NWD2: variants seen among roughly 807,000 people sequenced by gnomAD.
NWD2 encodes the protein NACHT and WD repeat domain-containing protein 2.
NWD2 carries 37 observed loss-of-function variants against 132.7 expected under a neutral mutation model. The observed-to-expected ratio is 0.28, with a 90% confidence interval of 0.21 to 0.37. NWD2 has a LOEUF of 0.37. Among genes scored for constraint, NWD2 ranks in the 10% least tolerant of loss-of-function variants. NWD2 has a pLI of 1.00. For missense variants in NWD2, 1,592 were observed against 2,122.4 expected (o/e 0.75, Z 4.91); for synonymous variants, 705 against 803.0 (o/e 0.88, Z 2.06).
At chr4:37,287,713 T>A (rs1718264747) in intron 1 of NWD2, among the ~76,000 whole-genome samples, 1 of 152,188 alleles carries the variant, frequency 6.6e-6, no homozygotes, top group South Asian at 2.1e-4. Flanking sequence ...CCTTTCCTCC[T>A]GATGGTTCTG....
chr4:37,250,655 A>G (rs1717339506), intron 1 of NWD2, among the ~76,000 whole-genome samples: 1 of 152,220 alleles, frequency 6.6e-6, no homozygotes, highest in Admixed American at 6.5e-5. Context: ...CTGTGCAGGC[A>G]TGTTTAAGCA....
intron 1 of NWD2, among the ~76,000 whole-genome samples, chr4:37,253,913 C>CT (rs565734050): frequency 5.9e-5 from 9 of 151,970 alleles, no homozygotes; most frequent in African/African-American, 1.2e-4. Flanking sequence ...TAAGGTTCTT[C>CT]TTTTTTTTAT....
intron 1 of NWD2, among the ~76,000 whole-genome samples, chr4:37,247,767 G>T (rs528459398): frequency 6.6e-6 from 1 of 151,744 alleles, no homozygotes. Flanking sequence ...CCACCACTAC[G>T]CCCGGCTAAC....
In NWD2 at chr4:37,444,273, AT is replaced by A; in HGVS notation, c.2289del (p.Leu764TrpfsTer19). ...LREMHTILAD[Y>X]FLGVWSGGRR... ...GAAATGCACACCATCTTAGCAGATT[AT>A]TTTCTGGGGGTTTGGTCAGGGGGCA... On this transcript the variant is annotated frameshift_variant, in exon 7 of 7. Coordinates refer to ENST00000309447, the MANE Select transcript of NWD2 (RefSeq NM_001144990.2). LOFTEE classifies it high-confidence loss of function. The surrounding 1 kb of genome is among the most constrained non-coding windows in gnomAD (Gnocchi z 4.8). 1 of 1,551,578 alleles carries A rather than the reference AT, an allele frequency of 6.4e-7. No homozygotes were observed. The highest frequency in any genetic ancestry group is 8.7e-7 in the Non-Finnish European group (1 of 1,146,982).
At chr4:37,391,780 C>A (rs1248925307) in intron 3 of NWD2, among the ~76,000 whole-genome samples, 1 of 152,188 alleles carries the variant, frequency 6.6e-6, no homozygotes, top group East Asian at 1.9e-4. Context: ...CATCGGCCCC[C>A]ACAAGTCCTG....
At chr4:37,317,774 A>G (rs1278230933) in intron 1 of NWD2, among the ~76,000 whole-genome samples, 7 of 152,112 alleles carry the variant, frequency 4.6e-5, no homozygotes, top group Non-Finnish European at 8.8e-5. Context: ...ACAATGCCAT[A>G]CTCCATCAAG....
At chr4:37,266,721 T>C (rs1717759280) in intron 1 of NWD2, among the ~76,000 whole-genome samples, 1 of 152,034 alleles carries the variant, frequency 6.6e-6, no homozygotes, top group Non-Finnish European at 1.5e-5. Flanking sequence ...TTAACTTATA[T>C]CATTAATTAT....
intron 1 of NWD2, among the ~76,000 whole-genome samples, chr4:37,262,504 A>T (rs1335199447): frequency 1.3e-5 from 2 of 152,170 alleles, no homozygotes; most frequent in African/African-American, 4.8e-5. Flanking sequence ...TGGGAAAAAA[A>T]GTAAGACAGC....
chr4:37,333,134 G>T (rs1032688218), intron 2 of NWD2, among the ~76,000 whole-genome samples: 1 of 152,150 alleles, frequency 6.6e-6, no homozygotes, highest in Admixed American at 6.5e-5. Context: ...CATGAAGGGC[G>T]TCTCTGAACC....
At chr4:37,406,759 G>A (rs1294093467) in intron 3 of NWD2, among the ~76,000 whole-genome samples, 1 of 152,192 alleles carries the variant, frequency 6.6e-6, no homozygotes, top group Middle Eastern at 3.4e-3. Flanking sequence ...AGCCAGGTGT[G>A]GTGGCGCATA....
intron 3 of NWD2, among the ~76,000 whole-genome samples, chr4:37,391,337 A>G (rs1334294610): frequency 1.3e-5 from 2 of 152,220 alleles, no homozygotes; most frequent in African/African-American, 2.4e-5. Flanking sequence ...GAATATAATC[A>G]TATGTGTTAC....
At chr4:37,365,230 T>C (rs1720073253) in intron 3 of NWD2, among the ~76,000 whole-genome samples, 1 of 152,204 alleles carries the variant, frequency 6.6e-6, no homozygotes, top group African/African-American at 2.4e-5. Context: ...TTCACATTTA[T>C]CCATATTCCA....
chr4:37,411,915 C>T (rs1200264269), intron 3 of NWD2, among the ~76,000 whole-genome samples: 3 of 152,070 alleles, frequency 2.0e-5, no homozygotes, highest in Non-Finnish European at 4.4e-5. Context: ...GCAAAAAAGG[C>T]CTTTGACAAA....
At chr4:37,435,580 A>T (rs1390675112) in intron 5 of NWD2, among the ~76,000 whole-genome samples, 1 of 152,080 alleles carries the variant, frequency 6.6e-6, no homozygotes, top group Non-Finnish European at 1.5e-5. Flanking sequence ...GCTGTCTTAG[A>T]AAAAAGTACC....
chr4:37,407,861 A>G (rs922752188), intron 3 of NWD2, among the ~76,000 whole-genome samples: 55 of 152,308 alleles, frequency 3.6e-4, no homozygotes, highest in African/African-American at 1.3e-3. Context: ...CTGGTTGGAC[A>G]GTGGGTGCAG....
intron 5 of NWD2, among the ~76,000 whole-genome samples, chr4:37,438,056 A>C (rs1334249701): frequency 6.6e-6 from 1 of 151,968 alleles, no homozygotes; most frequent in Non-Finnish European, 1.5e-5. Context: ...GGTCAGGAGA[A>C]AGAGACCATC....
intron 3 of NWD2, among the ~76,000 whole-genome samples, chr4:37,364,411 G>A (rs1465994104): frequency 1.3e-5 from 2 of 152,072 alleles, no homozygotes; most frequent in African/African-American, 2.4e-5. Flanking sequence ...ACCAATGGAG[G>A]CAGGTAAGAG....
chr4:37,308,568 A>G (rs1450935653), intron 1 of NWD2, among the ~76,000 whole-genome samples: 4 of 152,152 alleles, frequency 2.6e-5, no homozygotes, highest in Admixed American at 2.6e-4. Flanking sequence ...CCTGGGGAGC[A>G]TGCACAGGCA....
At position 37,438,956 on chromosome 4, in the gene NWD2, AT is replaced by A; in HGVS notation, c.864del (p.Ile289PhefsTer10). ...GGATATAACTGGAACAGAACCGAGG[AT>A]TATTCGGGACCCAGAAGCCCAAGAG... ...YMDITGTEPRIIRDPEAQEKL... is the reference protein window; with the variant it reads ...YMDITGTEPRXIRDPEAQEKL... On this transcript the variant is annotated frameshift_variant, in exon 6 of 7. Coordinates refer to ENST00000309447, the MANE Select transcript of NWD2 (RefSeq NM_001144990.2). LOFTEE classifies it high-confidence loss of function. 4 of 1,552,036 alleles carry A rather than the reference AT, an allele frequency of 2.6e-6. No homozygotes were observed. Among genetic ancestry groups the A allele is most frequent in the Non-Finnish European group, 3.5e-6 (4 of 1,147,058 alleles).
Sources: allele counts gnomAD v4.1 joint callset (sites outside exome capture counted in the v4.1 genomes callset), GRCh38; gene constraint gnomAD v4.1.1; non-coding constraint Gnocchi (gnomAD v3.1); transcripts MANE v1.5; gene names NCBI Gene and HGNC (gene_info 2026-07-23, HGNC 2026-07-21).